The following IKZF2 variants were observed in gnomAD, a reference collection of about 807,000 sequenced individuals.
IKZF2 encodes the protein zinc finger protein Helios.
A neutral mutation model predicts 49.2 loss-of-function variants in IKZF2; 15 were observed. The observed-to-expected ratio is 0.30, with a 90% CI of 0.20 to 0.47. The LOEUF is 0.47. Among genes scored for constraint, IKZF2 ranks in the 20% least tolerant of loss-of-function variants. The probability of loss-of-function intolerance (pLI) is 1.00; values close to 1 mark genes in which losing one functional copy is unlikely to be tolerated. For missense variants in IKZF2, 567 were observed against 664.6 expected (o/e 0.85, Z 1.61); for synonymous variants, 227 against 221.4 (o/e 1.03, Z -0.23).
intron 6 of IKZF2, among the ~76,000 whole-genome samples, chr2:213,046,635 C>T (rs1216288227): frequency 6.6e-6 from 1 of 152,078 alleles, no homozygotes; most frequent in Non-Finnish European, 1.5e-5. Context: ...ATGGCATGGC[C>T]ATATGGTCAA....
At chr2:213,081,432 G>C (rs1332701984) in intron 4 of IKZF2, among the ~76,000 whole-genome samples, 6 of 152,114 alleles carry the variant, frequency 3.9e-5, no homozygotes, top group Non-Finnish European at 8.8e-5. Flanking sequence ...ACTACAATGA[G>C]CTCAAAGTCC....
chr2:213,025,767 C>A (rs1355037040), intron 6 of IKZF2, among the ~76,000 whole-genome samples: 1 of 152,072 alleles, frequency 6.6e-6, no homozygotes. Context: ...TTCTGACTGC[C>A]CTTCTTTGCT....
At chr2:213,100,977 A>C (rs1574845445) in intron 4 of IKZF2, among the ~76,000 whole-genome samples, 1 of 152,008 alleles carries the variant, frequency 6.6e-6, no homozygotes, top group African/African-American at 2.4e-5. Context: ...AATAATACAG[A>C]TCCTACCTAC....
At chr2:213,008,166 G>GTACGAAGT in intron 8 of IKZF2, 82 bp from the exon 9 acceptor site, 1 of 1,419,450 alleles carries the variant, frequency 7.0e-7, no homozygotes, top group East Asian at 2.5e-5. Flanking sequence ...ATATGAAAGG[G>GTACGAAGT]TACGAAGTTG....
intron 4 of IKZF2, among the ~76,000 whole-genome samples, chr2:213,120,959 G>A (rs1471410224): frequency 6.6e-6 from 1 of 151,976 alleles, no homozygotes; most frequent in East Asian, 1.9e-4. Context: ...CCAAGCTGCT[G>A]TACTTTAATT....
At chr2:213,098,637 C>A (rs2125689299) in intron 4 of IKZF2, among the ~76,000 whole-genome samples, 1 of 152,240 alleles carries the variant, frequency 6.6e-6, no homozygotes, top group South Asian at 2.1e-4. Flanking sequence ...CATAACTAAT[C>A]TTTTCTATAC....
intron 4 of IKZF2, among the ~76,000 whole-genome samples, chr2:213,103,408 C>A (rs1361075849): frequency 6.6e-6 from 1 of 152,076 alleles, no homozygotes; most frequent in African/African-American, 2.4e-5. Context: ...CAAAGATAAT[C>A]TTCTGATTTA....
At chr2:213,057,247 A>C (rs1701251469) in intron 4 of IKZF2, 148 bp from the exon 5 acceptor site, 7 of 725,630 alleles carry the variant, frequency 9.6e-6, no homozygotes, top group African/African-American at 3.6e-5. Flanking sequence ...ATGTTAATAC[A>C]TACTGTGTTC....
upstream of IKZF2, among the ~76,000 whole-genome samples, chr2:213,151,787 G>A (rs2061290217): frequency 6.8e-6 from 1 of 147,108 alleles, no homozygotes; most frequent in South Asian, 2.1e-4. Context: ...CGGGCGAGCG[G>A]ACGTGCGTGC....
At chr2:213,058,313 C>T (rs1324341901) in intron 4 of IKZF2, among the ~76,000 whole-genome samples, 2 of 151,960 alleles carry the variant, frequency 1.3e-5, no homozygotes, top group African/African-American at 2.4e-5. Context: ...GAATAAAGTT[C>T]GAGCAGAACA....
In IKZF2 at chr2:213,120,626, A is replaced by G. The variant is rs149462376; in HGVS notation, c.139+27082T>C. ...CATTCAGAAAAAAGAATGGCAAACA[A>G]ATTTTTGTAATAGAAGTAGGTGACA... On this transcript the variant is annotated intron_variant, in intron 4 of 8. Coordinates refer to ENST00000434687, the MANE Select transcript of IKZF2 (RefSeq NM_001387220.1). 3.1e-3 allele frequency among the ~76,000 whole-genome samples: 466 copies of G among 152,328 alleles called. 3 individuals are homozygous for G. Among genetic ancestry groups the G allele is most frequent in the African/African-American group, 0.01 (432 of 41,580 alleles).
At chr2:213,059,080 G>T (rs537667258) in intron 4 of IKZF2, among the ~76,000 whole-genome samples, 1 of 151,860 alleles carries the variant, frequency 6.6e-6, no homozygotes, top group South Asian at 2.1e-4. Flanking sequence ...ATTAAAACTG[G>T]TATTTTATTA....
chr2:213,024,383 A>G (rs1697568818), intron 6 of IKZF2, among the ~76,000 whole-genome samples: 1 of 152,174 alleles, frequency 6.6e-6, no homozygotes, highest in Non-Finnish European at 1.5e-5. Context: ...TGTAAAGTGG[A>G]AAACAAATTC....
chr2:213,145,863 A>G (rs764980474), intron 4 of IKZF2, among the ~76,000 whole-genome samples: 4 of 152,102 alleles, frequency 2.6e-5, no homozygotes, highest in Admixed American at 1.3e-4. Context: ...TCTACCAAAC[A>G]TAAGTTTACT....
At chr2:213,037,444 G>A (rs1310441378) in intron 6 of IKZF2, among the ~76,000 whole-genome samples, 2 of 152,124 alleles carry the variant, frequency 1.3e-5, no homozygotes, top group African/African-American at 2.4e-5. Flanking sequence ...AAACAATAAC[G>A]AAGAGTAGAT....
chr2:213,125,167 A>G (rs2060216916), intron 4 of IKZF2, among the ~76,000 whole-genome samples: 1 of 152,350 alleles, frequency 6.6e-6, no homozygotes, highest in African/African-American at 2.4e-5. Context: ...TAAAAGTCAC[A>G]TCTTCTGTTC....
Position 213,147,788 on chromosome 2 carries a change from C to T in IKZF2, c.59G>A (p.Arg20Lys). The T allele has an allele frequency of 6.2e-7, 1 of 1,613,600 alleles. No individual in the cohort carries two copies. Among genetic ancestry groups the T allele is most frequent in the South Asian group, 1.1e-5 (1 of 91,042 alleles). Residue 20 changes from arginine (R) to lysine (K), a missense_variant, in exon 4 of 9, where the codon AGG becomes AAG. Arg to Lys is a conservative substitution (Grantham distance 26). Transcript: ENST00000434687. ...ITCDNELSPE[R>K]EHSNMAIDLT... is the part of the protein sequence containing the mutation. ...GTCAATTGCCATATTGGAGTGCTCC[C>T]TTTCGGGTGAAAGCTCATTGTCACC...
chr2:213,147,384 C>T (rs998144420), intron 4 of IKZF2: 3 of 533,342 alleles, frequency 5.6e-6, no homozygotes, highest in South Asian at 5.9e-5. Context: ...AGTGACGTTT[C>T]CACATTTTTT....
intron 5 of IKZF2, 134 bp downstream of exon 5, chr2:213,056,699 C>CAATA (rs1163168536): frequency 9.5e-7 from 1 of 1,056,530 alleles, no homozygotes; most frequent in Admixed American, 2.0e-5. Flanking sequence ...TTCTGCAATC[C>CAATA]AATACTAGCA....
Sources: allele counts gnomAD v4.1 joint callset (sites outside exome capture counted in the v4.1 genomes callset), GRCh38; gene constraint gnomAD v4.1.1; transcripts MANE v1.5; gene names NCBI Gene and HGNC (gene_info 2026-07-23, HGNC 2026-07-21).